The following HPSE2 variants were observed in gnomAD, a reference collection of about 807,000 sequenced individuals.
HPSE2 encodes the protein inactive heparanase-2.
In HPSE2, 38 loss-of-function variants were observed where a neutral mutation model predicts 60.5. That is an observed-to-expected ratio of 0.63 (90% CI 0.48 to 0.82). HPSE2 has a LOEUF of 0.82. Among genes scored for constraint, HPSE2 ranks in the 40% least tolerant of loss-of-function variants. The probability of loss-of-function intolerance (pLI) is 0.00; values close to 1 mark genes in which losing one functional copy is unlikely to be tolerated. For missense variants in HPSE2, 713 were observed against 740.4 expected (o/e 0.96, Z 0.43); for synonymous variants, 295 against 293.2 (o/e 1.01, Z -0.06).
chr10:98,686,505 G>C (rs1048433014), intron 6 of HPSE2, among the ~76,000 whole-genome samples: 2 of 152,008 alleles, frequency 1.3e-5, no homozygotes, highest in Non-Finnish European at 2.9e-5. Flanking sequence ...GGATTCAAGG[G>C]ACCCTCCTAC....
the HPSE2 span, among the ~76,000 whole-genome samples, chr10:99,302,505 C>A: frequency 6.6e-6 from 1 of 152,130 alleles, no homozygotes; most frequent in African/African-American, 2.4e-5. Context: ...ACCAGTATTA[C>A]AGGCCACTGC....
chr10:98,604,869 C>T (rs879901296), intron 9 of HPSE2, among the ~76,000 whole-genome samples: 12 of 152,130 alleles, frequency 7.9e-5, no homozygotes, highest in Non-Finnish European at 1.3e-4. Context: ...AGACCCAGAG[C>T]GCCCAGTGCC....
intron 3 of HPSE2, among the ~76,000 whole-genome samples, chr10:99,021,024 T>G (rs371026180): frequency 1.3e-5 from 2 of 152,176 alleles, no homozygotes; most frequent in East Asian, 1.9e-4. Context: ...AGATGGTCCA[T>G]TTATTCCTTT....
At chr10:98,517,517 G>C (rs1942642409) in intron 9 of HPSE2, among the ~76,000 whole-genome samples, 1 of 152,158 alleles carries the variant, frequency 6.6e-6, no homozygotes, top group Non-Finnish European at 1.5e-5. Flanking sequence ...GTGGAAGAAG[G>C]GAGAAAGTGT....
At chr10:99,112,279 A>T (rs996470795) in intron 3 of HPSE2, among the ~76,000 whole-genome samples, 1 of 152,158 alleles carries the variant, frequency 6.6e-6, no homozygotes, top group Admixed American at 6.5e-5. Flanking sequence ...TCGCTCTGTC[A>T]CCCAGGCTGG....
At position 98,557,297 on chromosome 10, in the gene HPSE2, T is replaced by C. The variant is rs528983263; in HGVS notation, c.1320+57607A>G. Among the ~76,000 whole-genome samples, 13 of 152,270 alleles carry C rather than the reference T, an allele frequency of 8.5e-5. No individual in the cohort carries two copies. The East Asian group carries it at 2.3e-3, about 27-fold the overall frequency. On this transcript the variant is annotated intron_variant, in intron 9 of 11. Coordinates refer to ENST00000370552, the MANE Select transcript of HPSE2 (RefSeq NM_021828.5). ...AGACAAACCGACCAGTGAAACATAA[T>C]ACAAGGTCCAGAAACAGACCTTTAC...
intron 3 of HPSE2, among the ~76,000 whole-genome samples, chr10:98,931,930 T>C (rs1298937979): frequency 2.1e-5 from 3 of 143,862 alleles, no homozygotes; most frequent in Non-Finnish European, 4.5e-5. Flanking sequence ...CAATTTGACT[T>C]CCTCTCTTCC....
At chr10:99,165,073 C>T (rs1847019739) in intron 2 of HPSE2, among the ~76,000 whole-genome samples, 1 of 111,782 alleles carries the variant, frequency 8.9e-6, no homozygotes, top group Admixed American at 1.2e-4. Flanking sequence ...CAGAGCAAGA[C>T]TCGGTCTCAA....
intron 9 of HPSE2, among the ~76,000 whole-genome samples, chr10:98,590,475 T>C (rs1034734360): frequency 1.3e-5 from 2 of 152,210 alleles, no homozygotes; most frequent in African/African-American, 4.8e-5. Flanking sequence ...TTGTCTTGTT[T>C]AAATATCACC....
intron 6 of HPSE2, among the ~76,000 whole-genome samples, chr10:98,673,703 A>AT (rs202137575): frequency 1.6e-4 from 24 of 150,226 alleles, no homozygotes; most frequent in East Asian, 1.6e-3. Flanking sequence ...GATTTCTTGT[A>AT]TTTTTTTTTT....
At chr10:98,532,151 T>C (rs1220569871) in intron 9 of HPSE2, among the ~76,000 whole-genome samples, 1 of 152,188 alleles carries the variant, frequency 6.6e-6, no homozygotes, top group East Asian at 1.9e-4. Context: ...CCCTAATCTA[T>C]CGCTAGGGCT....
intron 2 of HPSE2, among the ~76,000 whole-genome samples, chr10:99,166,063 T>C (rs1400122759): frequency 1.3e-5 from 2 of 152,246 alleles, no homozygotes; most frequent in Non-Finnish European, 2.9e-5. Flanking sequence ...TTATACAATA[T>C]GTAGCCTTTG....
At chr10:99,189,623 A>C (rs770405468) in intron 2 of HPSE2, among the ~76,000 whole-genome samples, 6 of 152,228 alleles carry the variant, frequency 3.9e-5, no homozygotes, top group Non-Finnish European at 7.3e-5. Context: ...AGGAAGTTCC[A>C]AAGTTGGTGT....
chr10:99,018,107 A>C (rs2135418516), intron 3 of HPSE2, among the ~76,000 whole-genome samples: 1 of 152,330 alleles, frequency 6.6e-6, no homozygotes, highest in East Asian at 1.9e-4. Context: ...TGATTCTTGA[A>C]GATTTTGTTA....
intron 5 of HPSE2, among the ~76,000 whole-genome samples, chr10:98,698,244 A>T (rs1288468635): frequency 1.5e-5 from 2 of 134,512 alleles, no homozygotes; most frequent in Non-Finnish European, 3.2e-5. Flanking sequence ...TTGGAAGTAA[A>T]GCTCTCCTCA....
At chr10:99,277,466 G>A in the HPSE2 span, among the ~76,000 whole-genome samples, 3 of 152,180 alleles carry the variant, frequency 2.0e-5, no homozygotes, top group Admixed American at 6.5e-5. Context: ...TCCCTTATGA[G>A]GTAGTGAGCT....
chr10:98,622,905 T>C (rs1946111103), intron 7 of HPSE2, among the ~76,000 whole-genome samples: 1 of 152,092 alleles, frequency 6.6e-6, no homozygotes, highest in South Asian at 2.1e-4. Flanking sequence ...ATGCCTTAAA[T>C]AATCAAAAGA....
chr10:98,992,838 G>T (rs925744516), intron 3 of HPSE2, among the ~76,000 whole-genome samples: 3 of 152,186 alleles, frequency 2.0e-5, no homozygotes, highest in Admixed American at 6.5e-5. Flanking sequence ...TTTGAAGTTA[G>T]ACAGCACTGG....
chr10:99,213,416 T>C (rs1430873139), intron 2 of HPSE2, among the ~76,000 whole-genome samples: 6 of 152,194 alleles, frequency 3.9e-5, no homozygotes, highest in African/African-American at 1.2e-4. Context: ...ATCCCTCTGC[T>C]GTCCAAGATC....
Sources: gnomAD v4.1 joint callset for allele counts (sites outside exome capture counted in the v4.1 genomes callset) on GRCh38, gnomAD v4.1.1 for gene constraint, MANE v1.5 for transcripts, NCBI Gene and HGNC (gene_info 2026-07-23, HGNC 2026-07-21) for gene names.